The following ZFPM2 variants were observed in gnomAD, a reference collection of about 807,000 sequenced individuals.
The protein encoded by ZFPM2 is zinc finger protein, FOG family member 2.
ZFPM2 carries 20 observed loss-of-function variants against 98.6 expected under a neutral mutation model. That is an observed-to-expected ratio of 0.20 (90% confidence interval 0.14 to 0.29). The LOEUF (loss-of-function observed/expected upper bound fraction) is 0.29. ZFPM2 is among the 10% of genes least tolerant of loss of function. The pLI is 1.00. For missense variants in ZFPM2, 1,310 were observed against 1,388.6 expected (o/e 0.94, Z 0.90); for synonymous variants, 518 against 502.7 (o/e 1.03, Z -0.41).
chr8:105,609,589 T>C (rs1813613212), intron 4 of ZFPM2, among the ~76,000 whole-genome samples: 1 of 152,200 alleles, frequency 6.6e-6, no homozygotes, highest in Non-Finnish European at 1.5e-5. Context: ...GAAATGTGCG[T>C]TCTTATATCA....
chr8:105,467,995 A>T (rs1163540054), intron 3 of ZFPM2, among the ~76,000 whole-genome samples: 1 of 151,856 alleles, frequency 6.6e-6, no homozygotes, highest in African/African-American at 2.4e-5. Context: ...AGAACCCCTC[A>T]TTTTCTCAAC....
intron 3 of ZFPM2, among the ~76,000 whole-genome samples, chr8:105,462,743 A>AT (rs5893743): frequency 6.6e-6 from 1 of 151,686 alleles, no homozygotes; most frequent in Admixed American, 6.6e-5. Flanking sequence ...TTGTATACAG[A>AT]TTTTTTTTGT....
chr8:105,404,973 A>G (rs554543640), intron 1 of ZFPM2, among the ~76,000 whole-genome samples: 1 of 152,224 alleles, frequency 6.6e-6, no homozygotes, highest in East Asian at 1.9e-4. Context: ...GCATGATGAA[A>G]TGGAATTCCC....
At chr8:105,326,310 C>G (rs1812114261) in intron 1 of ZFPM2, among the ~76,000 whole-genome samples, 1 of 151,500 alleles carries the variant, frequency 6.6e-6, no homozygotes, top group African/African-American at 2.4e-5. Context: ...TTTTTAAAAT[C>G]AGATCATTGG....
At chr8:105,751,147 A>T (rs1373084787) in intron 5 of ZFPM2, among the ~76,000 whole-genome samples, 1 of 152,152 alleles carries the variant, frequency 6.6e-6, no homozygotes, top group Non-Finnish European at 1.5e-5. Context: ...AGACTACTTT[A>T]AACATTTGTA....
At chr8:105,612,402 G>A (rs1216765587) in intron 4 of ZFPM2, among the ~76,000 whole-genome samples, 1 of 151,662 alleles carries the variant, frequency 6.6e-6, no homozygotes. Flanking sequence ...CATAAATATT[G>A]AAGCCCCTGA....
chr8:105,415,567 C>A (rs2130060735), intron 1 of ZFPM2, among the ~76,000 whole-genome samples: 1 of 152,126 alleles, frequency 6.6e-6, no homozygotes, highest in South Asian at 2.1e-4. Flanking sequence ...CCCACTAATC[C>A]ATACACAGGA....
intron 1 of ZFPM2, among the ~76,000 whole-genome samples, chr8:105,398,458 A>AT (rs1211586069): frequency 6.6e-6 from 1 of 152,102 alleles, no homozygotes; most frequent in African/African-American, 2.4e-5. Flanking sequence ...TTCTCCAATT[A>AT]TTTTTTAGAA....
At chr8:105,493,123 T>C (rs1382677956) in intron 3 of ZFPM2, among the ~76,000 whole-genome samples, 2 of 152,196 alleles carry the variant, frequency 1.3e-5, no homozygotes, top group Admixed American at 1.3e-4. Flanking sequence ...GCTATAAATT[T>C]AATTATTTTC....
At chr8:105,330,418 G>T (rs1812188472) in intron 1 of ZFPM2, among the ~76,000 whole-genome samples, 1 of 150,560 alleles carries the variant, frequency 6.6e-6, no homozygotes, top group Non-Finnish European at 1.5e-5. Context: ...ATCAGGGAAG[G>T]TGAACCGATC....
At chr8:105,333,932 G>A (rs1812279047) in intron 1 of ZFPM2, among the ~76,000 whole-genome samples, 1 of 151,674 alleles carries the variant, frequency 6.6e-6, no homozygotes, top group Admixed American at 6.6e-5. Context: ...AATGAGGTCT[G>A]AGAGTTTATG....
intron 1 of ZFPM2, among the ~76,000 whole-genome samples, chr8:105,332,436 A>T (rs1430773634): frequency 6.6e-6 from 1 of 151,704 alleles, no homozygotes; most frequent in African/African-American, 2.4e-5. Context: ...TTAAAAACCC[A>T]CATAATTTCC....
intron 3 of ZFPM2, among the ~76,000 whole-genome samples, chr8:105,479,443 G>A (rs1181900843): frequency 6.6e-6 from 1 of 152,056 alleles, no homozygotes; most frequent in Admixed American, 6.6e-5. Context: ...TTCTGATTCT[G>A]CACCTTGTAC....
chr8:105,615,302 T>C (rs147625584), intron 4 of ZFPM2, among the ~76,000 whole-genome samples: 73 of 152,230 alleles, frequency 4.8e-4, no homozygotes, highest in African/African-American at 1.7e-3. Context: ...TCAGAAGATA[T>C]GGAAGACAGA....
chr8:105,681,833 G>T (rs1369105790), intron 5 of ZFPM2, among the ~76,000 whole-genome samples: 3 of 152,066 alleles, frequency 2.0e-5, no homozygotes, highest in African/African-American at 7.2e-5. Context: ...TGTGCTTTGT[G>T]TCTTTTTTTT....
At chr8:105,508,951 T>C (rs1813758977) in intron 3 of ZFPM2, among the ~76,000 whole-genome samples, 1 of 151,994 alleles carries the variant, frequency 6.6e-6, no homozygotes, top group African/African-American at 2.4e-5. Context: ...GAAAAGAGTT[T>C]GTGAAGTGGT....
intron 3 of ZFPM2, among the ~76,000 whole-genome samples, chr8:105,505,263 G>A (rs4734870): frequency 0.021 from 3,166 of 152,244 alleles, 57 homozygotes; most frequent in Middle Eastern, 0.048. Flanking sequence ...ACAGTAGATC[G>A]TCTATAAATG....
chr8:105,439,554 G>T (rs917793781), intron 2 of ZFPM2, among the ~76,000 whole-genome samples: 1 of 152,144 alleles, frequency 6.6e-6, no homozygotes, highest in Non-Finnish European at 1.5e-5. Flanking sequence ...AGCACTTATT[G>T]CTGGAACATG....
chr8:105,576,205 A>G (rs1198509878), intron 4 of ZFPM2, among the ~76,000 whole-genome samples: 3 of 152,224 alleles, frequency 2.0e-5, no homozygotes, highest in East Asian at 3.8e-4. Flanking sequence ...AAACATGGTC[A>G]AGAAAAGTGG....
Sources: gnomAD v4.1 joint callset for allele counts (sites outside exome capture counted in the v4.1 genomes callset) on GRCh38, gnomAD v4.1.1 for gene constraint, MANE v1.5 for transcripts, NCBI Gene and HGNC (gene_info 2026-07-23, HGNC 2026-07-21) for gene names.